Variants in ADGRL3 observed in about 807,000 individuals in gnomAD.
ADGRL3 encodes the protein calcium-independent alpha-latrotoxin receptor 3.
A neutral mutation model predicts 153.5 loss-of-function variants in ADGRL3; 62 were observed. The ratio of observed to expected loss-of-function variants is 0.40; its 90% confidence interval spans 0.33 to 0.50. The LOEUF (loss-of-function observed/expected upper bound fraction) is 0.50, where lower values mean the gene tolerates loss of function less well. Among genes scored for constraint, ADGRL3 ranks in the 20% least tolerant of loss-of-function variants. The pLI is 0.47. For missense variants in ADGRL3, 1,641 were observed against 1,859.4 expected, an observed-to-expected ratio of 0.88 and a Z score of 2.16; for synonymous variants, 710 against 672.5, an observed-to-expected ratio of 1.06 and a Z score of -0.86.
intron 9 of ADGRL3, among the ~76,000 whole-genome samples, chr4:61,867,369 T>C (rs2098406752): frequency 6.6e-6 from 1 of 151,114 alleles, no homozygotes; most frequent in Non-Finnish European, 1.5e-5. Context: ...AGTGGTGGGC[T>C]CATGCCTGTA....
chr4:61,974,198 A>C (rs2150720459), intron 17 of ADGRL3, among the ~76,000 whole-genome samples: 1 of 152,162 alleles, frequency 6.6e-6, no homozygotes, highest in Non-Finnish European at 1.5e-5. Flanking sequence ...GAATTCCTGG[A>C]CTCAAAGCAG....
chr4:61,954,950 G>T (rs2150389849), intron 17 of ADGRL3, among the ~76,000 whole-genome samples: 1 of 152,298 alleles, frequency 6.6e-6, no homozygotes, highest in Non-Finnish European at 1.5e-5. Flanking sequence ...TCACTGGGGT[G>T]CTCAGAGAGA....
intron 5 of ADGRL3, among the ~76,000 whole-genome samples, chr4:61,626,752 ATCC>A (rs1405325062): frequency 1.3e-5 from 2 of 152,042 alleles, no homozygotes; most frequent in African/African-American, 4.8e-5. Context: ...TCTTTACATA[ATCC>A]TCCTGAGTTC....
At chr4:61,886,624 A>ATTTGTTTGTTTG (rs34618045) in intron 9 of ADGRL3, among the ~76,000 whole-genome samples, 15 of 149,132 alleles carry the variant, frequency 1.0e-4, no homozygotes, top group South Asian at 4.3e-4. Context: ...TTTAGACTAC[A>ATTTGTTTGTTTG]TTTGTTTGTT....
intron 19 of ADGRL3, among the ~76,000 whole-genome samples, chr4:61,995,687 T>A (rs577615502): frequency 6.6e-6 from 1 of 152,292 alleles, no homozygotes; most frequent in South Asian, 2.1e-4. Flanking sequence ...ATTAAGTGAT[T>A]AATAATTTAC....
At chr4:61,759,093 C>T (rs1464228843) in intron 8 of ADGRL3, among the ~76,000 whole-genome samples, 6 of 152,258 alleles carry the variant, frequency 3.9e-5, no homozygotes, top group South Asian at 4.2e-4. Context: ...CCCTGCCTTT[C>T]TTTCTGGCTG....
At chr4:61,553,409 G>C (rs769839505) in intron 4 of ADGRL3, among the ~76,000 whole-genome samples, 2 of 152,122 alleles carry the variant, frequency 1.3e-5, no homozygotes, top group African/African-American at 2.4e-5. Flanking sequence ...AGATGAGAGA[G>C]ATTTTCTTGA....
intron 18 of ADGRL3, among the ~76,000 whole-genome samples, chr4:61,981,606 A>T (rs1004052630): frequency 6.6e-6 from 1 of 152,142 alleles, no homozygotes; most frequent in Non-Finnish European, 1.5e-5. Flanking sequence ...ATAATAGACA[A>T]TATCTTCATA....
At chr4:61,280,107 C>CTTTTTTTTTTT (rs771732117) in intron 1 of ADGRL3, among the ~76,000 whole-genome samples, 26 of 94,662 alleles carry the variant, frequency 2.7e-4, no homozygotes, top group African/African-American at 6.9e-4. Flanking sequence ...CTTTTCTTTT[C>CTTTTTTTTTTT]TTTTTCTTTT....
chr4:61,563,655 T>G (rs537021467), intron 4 of ADGRL3, among the ~76,000 whole-genome samples: 6 of 152,344 alleles, frequency 3.9e-5, no homozygotes, highest in Admixed American at 6.5e-5. Context: ...TTGCTGCAGC[T>G]TCTGCATTAG....
intron 2 of ADGRL3, among the ~76,000 whole-genome samples, chr4:61,470,441 G>A (rs2097935399): frequency 6.6e-6 from 1 of 151,910 alleles, no homozygotes; most frequent in Non-Finnish European, 1.5e-5. Context: ...GTAATACTGA[G>A]TAACATGATT....
At chr4:62,034,239 G>T (rs1299994182) in intron 23 of ADGRL3, among the ~76,000 whole-genome samples, 1 of 151,722 alleles carries the variant, frequency 6.6e-6, no homozygotes, top group Non-Finnish European at 1.5e-5. Flanking sequence ...GTCAGGAATG[G>T]TTACTACATT....
intron 4 of ADGRL3, among the ~76,000 whole-genome samples, chr4:61,551,164 G>A (rs892354890): frequency 2.0e-5 from 3 of 152,080 alleles, no homozygotes; most frequent in African/African-American, 7.2e-5. Flanking sequence ...AGGATTCTGA[G>A]GCTATTTCTC....
intron 5 of ADGRL3, among the ~76,000 whole-genome samples, chr4:61,643,218 A>G (rs950825659): frequency 3.9e-5 from 6 of 152,052 alleles, no homozygotes; most frequent in Non-Finnish European, 7.3e-5. Context: ...TAGATATACA[A>G]TCATGTTGTC....
chr4:61,713,515 TA>T (rs1221380907), intron 6 of ADGRL3, among the ~76,000 whole-genome samples: 3 of 151,946 alleles, frequency 2.0e-5, no homozygotes, highest in Non-Finnish European at 2.9e-5. Context: ...CTCAGAATCT[TA>T]AAAGTTGTGA....
chr4:61,787,612 T>G (rs1208015072), intron 8 of ADGRL3, among the ~76,000 whole-genome samples: 1 of 152,136 alleles, frequency 6.6e-6, no homozygotes, highest in East Asian at 1.9e-4. Context: ...TTTCCGCTAG[T>G]TTATCAGTAC....
At chr4:61,397,396 T>C (rs939133525) in intron 2 of ADGRL3, among the ~76,000 whole-genome samples, 3 of 151,894 alleles carry the variant, frequency 2.0e-5, no homozygotes, top group African/African-American at 7.2e-5. Context: ...TAAACACAAA[T>C]AGTCAAAAAG....
intron 11 of ADGRL3, 35 bp from the exon 12 acceptor site, chr4:61,909,525 A>T: frequency 7.0e-7 from 1 of 1,432,850 alleles, no homozygotes. Flanking sequence ...TTTATGTGAG[A>T]TCTCTTTCCT....
At chr4:61,301,822 A>G (rs2094587509) in intron 1 of ADGRL3, among the ~76,000 whole-genome samples, 2 of 152,230 alleles carry the variant, frequency 1.3e-5, no homozygotes, top group African/African-American at 4.8e-5. Flanking sequence ...AACATAAAAA[A>G]TTGTAATCAA....
Sources: gnomAD v4.1 joint callset for allele counts (sites outside exome capture counted in the v4.1 genomes callset) on GRCh38, gnomAD v4.1.1 for gene constraint, MANE v1.5 for transcripts, NCBI Gene and HGNC (gene_info 2026-07-23, HGNC 2026-07-21) for gene names.